The following SORBS2 variants were observed in gnomAD, a reference collection of about 807,000 sequenced individuals.
SORBS2 encodes sorbin and SH3 domain containing 2.
SORBS2 carries 46 observed loss-of-function variants against 97.7 expected under a neutral mutation model. The observed-to-expected ratio is 0.47, with a 90% CI of 0.37 to 0.60. SORBS2 has a LOEUF of 0.60. SORBS2 is among the 20% of genes least tolerant of loss of function. SORBS2 has a pLI of 0.00. For missense variants in SORBS2, 1,316 were observed against 1,282.3 expected (o/e 1.03, Z -0.40); for synonymous variants, 476 against 473.4 (o/e 1.01, Z -0.07).
chr4:185,808,995 A>AT (rs2099168142), intron 1 of SORBS2, among the ~76,000 whole-genome samples: 1 of 152,120 alleles, frequency 6.6e-6, no homozygotes. Context: ...GGAAATTTGG[A>AT]TTTATTATAG....
chr4:185,600,989 T>A (rs1407918429), intron 12 of SORBS2, among the ~76,000 whole-genome samples: 2 of 152,106 alleles, frequency 1.3e-5, no homozygotes, highest in African/African-American at 4.8e-5. Context: ...TTATTTTCCT[T>A]CCAATAGCGG....
intron 2 of SORBS2, among the ~76,000 whole-genome samples, chr4:185,767,393 G>T (rs1426075223): frequency 2.1e-5 from 3 of 141,896 alleles, no homozygotes; most frequent in East Asian, 2.1e-4. Context: ...CCAGTTACTC[G>T]GGAGGCTGAG....
chr4:185,878,923 T>C (rs2099235165), intron 1 of SORBS2, among the ~76,000 whole-genome samples: 1 of 152,230 alleles, frequency 6.6e-6, no homozygotes, highest in Non-Finnish European at 1.5e-5. Flanking sequence ...CAAGCTCACG[T>C]GGCTGCCAGA....
chr4:185,668,224 T>C (rs1199415433), intron 4 of SORBS2, among the ~76,000 whole-genome samples: 1 of 152,216 alleles, frequency 6.6e-6, no homozygotes, highest in East Asian at 1.9e-4. Context: ...AAAATCACCA[T>C]TGTCACGGGT....
chr4:185,836,168 C>T (rs1046371176), intron 1 of SORBS2, among the ~76,000 whole-genome samples: 1 of 152,168 alleles, frequency 6.6e-6, no homozygotes. Context: ...GATCAAGAAC[C>T]GATTTCTCAT....
chr4:185,726,684 A>G (rs778519088), intron 2 of SORBS2, among the ~76,000 whole-genome samples: 4 of 151,654 alleles, frequency 2.6e-5, no homozygotes, highest in African/African-American at 4.8e-5. Context: ...GAACCAGAAT[A>G]TTGCTTGCTT....
In SORBS2 at chr4:185,941,422, A is replaced by G. The variant is rs763312121; in HGVS notation, c.-338+14774T>C. On this transcript the variant is annotated intron_variant, in intron 1 of 20. Transcript: ENST00000284776. ...CTTTTCCCACTAATATACTATCTCC[A>G]TGAGAACATGGAAATAATATACTTG... 5.7e-4 allele frequency among the ~76,000 whole-genome samples: 87 copies of G among 152,242 alleles called. 1 individual carries two copies. The highest frequency in any genetic ancestry group is 1.9e-4 in the Non-Finnish European group (13 of 68,006).
intron 2 of SORBS2, among the ~76,000 whole-genome samples, chr4:185,692,615 A>C (rs1170520484): frequency 6.6e-6 from 1 of 152,234 alleles, no homozygotes; most frequent in Non-Finnish European, 1.5e-5. Flanking sequence ...AATTATAATA[A>C]TAAAATCAAA....
chr4:185,679,486 A>G (rs1431010207), intron 2 of SORBS2, among the ~76,000 whole-genome samples: 2 of 152,230 alleles, frequency 1.3e-5, no homozygotes, highest in Non-Finnish European at 2.9e-5. Context: ...TTGGCAAGTT[A>G]TCAGTGATAT....
intron 1 of SORBS2, among the ~76,000 whole-genome samples, chr4:185,808,847 T>C (rs1194777405): frequency 6.6e-6 from 1 of 152,222 alleles, no homozygotes; most frequent in Non-Finnish European, 1.5e-5. Flanking sequence ...TTTTAAACAG[T>C]CTGATTCCAT....
rs58831094 is a variant in SORBS2 at position 185,596,530 on chromosome 4, C to CTTTTT, written c.2797-2600_2797-2596dup. Among the ~76,000 whole-genome samples the CTTTTT allele has an allele frequency of 3.7e-3, 287 of 77,412 alleles. 21 individuals are homozygous for CTTTTT. The highest frequency in any genetic ancestry group is 7.7e-3 in the African/African-American group (137 of 17,880). 50.8% of individuals were successfully genotyped at this position (77,412 alleles called of 152,430 possible). On this transcript the variant is annotated intron_variant, in intron 12 of 14. Transcript: ENST00000418609. ...TGTGGGGCAGCCAGCACCGTCCTTG[C>CTTTTT]TTTTTTTTTTTTTTTTTTTTTTTGA... is the stretch of plus-strand genomic sequence containing the variant.
intron 1 of SORBS2, among the ~76,000 whole-genome samples, chr4:185,789,639 TC>T (rs1390715087): frequency 6.6e-6 from 1 of 151,854 alleles, no homozygotes; most frequent in African/African-American, 2.4e-5. Flanking sequence ...TTCTATAGTC[TC>T]CTCTATTTTT....
intron 2 of SORBS2, chr4:185,710,015 A>T (rs774532839): frequency 6.6e-6 from 1 of 152,192 alleles, no homozygotes; most frequent in Non-Finnish European, 1.5e-5. Context: ...GGAGAGGGAC[A>T]AAGTCACTTG....
intron 1 of SORBS2, among the ~76,000 whole-genome samples, chr4:185,878,942 T>C (rs1220471459): frequency 6.6e-6 from 1 of 152,206 alleles, no homozygotes; most frequent in Non-Finnish European, 1.5e-5. Flanking sequence ...GAGCTTCCCA[T>C]CAACGCAGCA....
intron 12 of SORBS2, among the ~76,000 whole-genome samples, chr4:185,604,489 A>G (rs59740168): frequency 0.087 from 13,248 of 152,120 alleles, 1,048 homozygotes; most frequent in African/African-American, 0.21. Flanking sequence ...GTGGCTGGGA[A>G]AGGGTGTGGG....
chr4:185,624,294 C>T (rs1230182123), exon 7 of SORBS2: 5 of 1,614,012 alleles, frequency 3.1e-6, no homozygotes, highest in Non-Finnish European at 4.2e-6. Flanking sequence ...TTGGGAGAGA[C>T]GGTTTCTTCC....
chr4:185,781,590 C>T (rs2099030040), intron 1 of SORBS2, among the ~76,000 whole-genome samples: 1 of 151,428 alleles, frequency 6.6e-6, no homozygotes, highest in Non-Finnish European at 1.5e-5. Context: ...CTGGCCCCTC[C>T]AGCCTCCCTT....
chr4:185,721,961 A>G (rs1331360709), intron 2 of SORBS2, among the ~76,000 whole-genome samples: 1 of 152,230 alleles, frequency 6.6e-6, no homozygotes, highest in East Asian at 1.9e-4. Context: ...ATGTAGCAAA[A>G]TGTAGTCAAG....
intron 1 of SORBS2, among the ~76,000 whole-genome samples, chr4:185,894,548 C>A (rs1437816299): frequency 6.6e-6 from 1 of 152,178 alleles, no homozygotes; most frequent in Non-Finnish European, 1.5e-5. Context: ...CCAATTACAT[C>A]ACATGTTACA....
Sources: gnomAD v4.1 joint callset for allele counts (sites outside exome capture counted in the v4.1 genomes callset) on GRCh38, gnomAD v4.1.1 for gene constraint, MANE v1.5 for transcripts, NCBI Gene and HGNC (gene_info 2026-07-23, HGNC 2026-07-21) for gene names.